RPS6KC1: variants seen among roughly 807,000 people sequenced by gnomAD.
The protein encoded by RPS6KC1 is inactive ribosomal protein S6 kinase delta-1.
RPS6KC1 carries 54 observed loss-of-function variants against 103.8 expected under a neutral mutation model. The observed-to-expected ratio is 0.52, with a 90% CI of 0.42 to 0.65. The LOEUF (loss-of-function observed/expected upper bound fraction) is 0.65. Among genes scored for constraint, RPS6KC1 ranks in the 30% least tolerant of loss-of-function variants. The pLI, the probability that RPS6KC1 is intolerant of heterozygous loss-of-function variation, is 0.00. For synonymous variants in RPS6KC1, 439 were observed against 438.7 expected (o/e 1.00, Z -0.01); for missense variants, 1,151 against 1,253.8 (o/e 0.92, Z 1.24).
At chr1:213,238,336 A>C (rs1237049822) in intron 10 of RPS6KC1, among the ~76,000 whole-genome samples, 1 of 152,184 alleles carries the variant, frequency 6.6e-6, no homozygotes, top group Non-Finnish European at 1.5e-5. Context: ...TCCAAGTGCA[A>C]GCATGGTATG....
the RPS6KC1 span, among the ~76,000 whole-genome samples, chr1:213,310,091 C>G: frequency 6.6e-6 from 1 of 152,176 alleles, no homozygotes; most frequent in African/African-American, 2.4e-5. Context: ...TGACTATCCC[C>G]CAAGCCCATC....
chr1:213,761,205 G>A, the RPS6KC1 span, among the ~76,000 whole-genome samples: 4 of 151,972 alleles, frequency 2.6e-5, no homozygotes, highest in East Asian at 1.9e-4. Context: ...GGGTTTTTAC[G>A]CTGTTTGATT....
At chr1:213,231,063 C>CATG (rs1247329023) in intron 9 of RPS6KC1, among the ~76,000 whole-genome samples, 1 of 152,028 alleles carries the variant, frequency 6.6e-6, no homozygotes, top group African/African-American at 2.4e-5. Flanking sequence ...CGGTTGATAG[C>CATG]ATGCATTTAA....
the RPS6KC1 span, among the ~76,000 whole-genome samples, chr1:213,733,544 G>GTGTTTT: frequency 1.0e-5 from 1 of 100,234 alleles, no homozygotes; most frequent in African/African-American, 4.2e-5. Context: ...GCTATTTTTA[G>GTGTTTT]TTTGTTTTTT....
At chr1:213,056,223 CAG>C (rs1176710146) in intron 1 of RPS6KC1, among the ~76,000 whole-genome samples, 1 of 152,186 alleles carries the variant, frequency 6.6e-6, no homozygotes, top group Non-Finnish European at 1.5e-5. Context: ...ACATTTGTCA[CAG>C]GGGCCCGGTG....
the RPS6KC1 span, among the ~76,000 whole-genome samples, chr1:213,626,213 CCT>C: frequency 4.6e-5 from 7 of 152,140 alleles, no homozygotes; most frequent in South Asian, 1.2e-3. Flanking sequence ...TGTCTTTTGG[CCT>C]TATAAATGTC....
At chr1:213,850,484 G>T in the RPS6KC1 span, among the ~76,000 whole-genome samples, 1 of 152,182 alleles carries the variant, frequency 6.6e-6, no homozygotes, top group East Asian at 1.9e-4. Context: ...TGCTACACAG[G>T]ACACTAAAAC....
chr1:213,518,259 A>G, the RPS6KC1 span, among the ~76,000 whole-genome samples: 1 of 152,220 alleles, frequency 6.6e-6, no homozygotes, highest in African/African-American at 2.4e-5. Context: ...TCTCACTTGG[A>G]AAAAGTCTTT....
In RPS6KC1 at chr1:213,261,550, G is replaced by A; in HGVS notation, c.2912-8G>A. 2 of 1,611,648 alleles carry A rather than the reference G, an allele frequency of 1.2e-6. No homozygotes were observed. Among genetic ancestry groups the A allele is most frequent in the East Asian group, 2.2e-5 (1 of 44,850 alleles). On this transcript the variant is annotated splice_region_variant and splice_polypyrimidine_tract_variant and intron_variant, in intron 12 of 14. Transcript: ENST00000366960. ...AATTTTAATATCAACCTTTTTTGGT[G>A]TGGTTAGAGGTTGGAGCAATCACTG...
chr1:213,104,631 G>T, intron 4 of RPS6KC1, 62 bp downstream of exon 4: 1 of 929,676 alleles, frequency 1.1e-6, no homozygotes. Context: ...TTGTAGTAAA[G>T]TAAAATAAAA....
chr1:213,260,181 G>A (rs575818094), intron 12 of RPS6KC1, among the ~76,000 whole-genome samples: 41 of 152,324 alleles, frequency 2.7e-4, no homozygotes, highest in Middle Eastern at 3.4e-3. Flanking sequence ...AACGTTAGGA[G>A]ACTTCGAGTC....
At chr1:213,323,575 G>A in the RPS6KC1 span, among the ~76,000 whole-genome samples, 119 of 152,294 alleles carry the variant, frequency 7.8e-4, 1 homozygote, top group East Asian at 0.022. Flanking sequence ...ACAAACTGAG[G>A]AACCATAGAC....
chr1:213,299,586 CAT>C, the RPS6KC1 span, among the ~76,000 whole-genome samples: 2 of 149,320 alleles, frequency 1.3e-5, no homozygotes, highest in African/African-American at 4.9e-5. Context: ...TCGTGAGCCA[CAT>C]GTGCAATTTC....
intron 4 of RPS6KC1, among the ~76,000 whole-genome samples, chr1:213,110,946 AT>A (rs397961063): frequency 0.013 from 1,831 of 142,864 alleles, 25 homozygotes; most frequent in African/African-American, 0.038. Context: ...TTTGGGGTGG[AT>A]TTTTTTTTTT....
chr1:213,129,749 C>G lies in RPS6KC1; in HGVS notation c.695C>G (p.Pro232Arg), dbSNP rs376958657. The G allele has an allele frequency of 4.3e-6, 7 of 1,613,778 alleles. No individual in the cohort carries two copies. Among genetic ancestry groups the G allele is most frequent in the Non-Finnish European group, 5.9e-6 (7 of 1,179,956 alleles). ...SRSLFPGSLK[P>R]KLGKRDYLEK... ...AGCCTCTTTCCTGGCAGTTTAAAGC[C>G]GAAGCTTGGCAAGAGAGATTATTTG... The change falls in exon 6 of 15, where the codon CCG becomes CGG. Residue 232 changes from proline (P) to arginine (R), a missense_variant. By Grantham distance (103) the Pro-to-Arg change is moderately radical (BLOSUM62 -2). Around this residue, in one of 3 missense-constraint regions of RPS6KC1, gnomAD observed 959 missense variants for 1,006.3 expected, o/e 0.95. Coordinates refer to ENST00000366960, the MANE Select transcript of RPS6KC1 (RefSeq NM_012424.6).
chr1:213,291,512 C>T, the RPS6KC1 span, among the ~76,000 whole-genome samples: 2 of 152,186 alleles, frequency 1.3e-5, no homozygotes, highest in Non-Finnish European at 2.9e-5. Context: ...GCGTTCCTTG[C>T]GTGGTGAGAA....
At chr1:213,398,182 C>G in the RPS6KC1 span, among the ~76,000 whole-genome samples, 1 of 150,866 alleles carries the variant, frequency 6.6e-6, no homozygotes, top group East Asian at 1.9e-4. Flanking sequence ...CAGGCACTCA[C>G]CACCACACCT....
the RPS6KC1 span, among the ~76,000 whole-genome samples, chr1:213,520,514 C>A: frequency 6.6e-6 from 1 of 152,144 alleles, no homozygotes; most frequent in African/African-American, 2.4e-5. Context: ...CACTCAGTGA[C>A]CCTTGGAGGG....
At chr1:213,708,036 G>A in the RPS6KC1 span, among the ~76,000 whole-genome samples, 1 of 152,202 alleles carries the variant, frequency 6.6e-6, no homozygotes. Context: ...CTCTTTTTTG[G>A]TTCCATATAA....
Sources: allele counts gnomAD v4.1 joint callset (sites outside exome capture counted in the v4.1 genomes callset), GRCh38; gene constraint gnomAD v4.1.1; regional missense constraint gnomAD v4.1.1; transcripts MANE v1.5; gene names NCBI Gene and HGNC (gene_info 2026-07-23, HGNC 2026-07-21).